The following TENM3 variants were observed in gnomAD, a reference collection of about 807,000 sequenced individuals.
The protein encoded by TENM3 is teneurin-3.
TENM3 carries 63 observed loss-of-function variants against 255.1 expected under a neutral mutation model. The observed-to-expected ratio is 0.25, with a 90% CI of 0.20 to 0.30. The LOEUF (loss-of-function observed/expected upper bound fraction) is 0.30, where lower values mean the gene tolerates loss of function less well. TENM3 is among the 10% of genes least tolerant of loss of function. TENM3 has a pLI of 1.00. For missense variants in TENM3, 2,929 were observed against 3,461.1 expected (o/e 0.85, Z 3.86); for synonymous variants, 1,306 against 1,322.3 (o/e 0.99, Z 0.27).
intron 1 of TENM3, among the ~76,000 whole-genome samples, chr4:182,321,810 T>C (rs1374031348): frequency 6.6e-6 from 1 of 151,796 alleles, no homozygotes; most frequent in African/African-American, 2.4e-5. Flanking sequence ...CCGGATGTGG[T>C]GGTGAGCTCC....
chr4:181,499,159 G>A, the TENM3 span, among the ~76,000 whole-genome samples: 1 of 152,168 alleles, frequency 6.6e-6, no homozygotes, highest in Non-Finnish European at 1.5e-5. Flanking sequence ...CTAACTCCAT[G>A]ATTCTATTGT....
At chr4:181,573,121 G>GT in the TENM3 span, among the ~76,000 whole-genome samples, 4 of 151,804 alleles carry the variant, frequency 2.6e-5, no homozygotes, top group African/African-American at 9.7e-5. Flanking sequence ...TAAGTACCAC[G>GT]TTTTTTTATC....
At chr4:181,680,265 A>G in the TENM3 span, among the ~76,000 whole-genome samples, 6 of 152,256 alleles carry the variant, frequency 3.9e-5, no homozygotes, top group East Asian at 1.2e-3. Flanking sequence ...GGCTGTAAAT[A>G]GTAAATACAT....
chr4:182,049,700 G>A, the TENM3 span, among the ~76,000 whole-genome samples: 1 of 152,316 alleles, frequency 6.6e-6, no homozygotes, highest in South Asian at 2.1e-4. Context: ...CGTTTAAGAG[G>A]AAAAGGAAAA....
the TENM3 span, among the ~76,000 whole-genome samples, chr4:181,470,362 G>A: frequency 3.9e-5 from 6 of 152,040 alleles, no homozygotes; most frequent in Admixed American, 2.0e-4. Flanking sequence ...TACACAAAAC[G>A]TATGTATAAC....
chr4:182,065,862 C>T, the TENM3 span, among the ~76,000 whole-genome samples: 2 of 152,276 alleles, frequency 1.3e-5, no homozygotes, highest in Admixed American at 1.3e-4. Flanking sequence ...TTCTCACCAG[C>T]GAATTCCCTC....
intron 3 of TENM3, among the ~76,000 whole-genome samples, chr4:182,487,635 A>C (rs958277035): frequency 6.6e-6 from 1 of 152,250 alleles, no homozygotes; most frequent in East Asian, 1.9e-4. Context: ...CAGTTTAATA[A>C]GTGCCCTTTT....
intron 3 of TENM3, among the ~76,000 whole-genome samples, chr4:182,398,331 G>GAC (rs144856331): frequency 3.6e-4 from 54 of 152,014 alleles, no homozygotes; most frequent in African/African-American, 9.6e-4. Flanking sequence ...AGGACAAGGG[G>GAC]ACACACACAC....
chr4:182,666,518 C>T (rs1561077513), intron 6 of TENM3, among the ~76,000 whole-genome samples: 1 of 152,146 alleles, frequency 6.6e-6, no homozygotes, highest in Non-Finnish European at 1.5e-5. Context: ...GATCCTCCAC[C>T]AGCAAAAAGA....
At chr4:181,622,256 C>T in the TENM3 span, among the ~76,000 whole-genome samples, 1 of 152,192 alleles carries the variant, frequency 6.6e-6, no homozygotes, top group Non-Finnish European at 1.5e-5. Flanking sequence ...TTTCCTGCCT[C>T]GTTTCCCTTT....
the TENM3 span, among the ~76,000 whole-genome samples, chr4:181,576,771 C>G: frequency 6.7e-6 from 1 of 148,346 alleles, no homozygotes; most frequent in East Asian, 2.0e-4. Flanking sequence ...AGCTACCACT[C>G]TTTTCCTTTC....
the TENM3 span, among the ~76,000 whole-genome samples, chr4:181,630,607 A>G: frequency 1.3e-4 from 20 of 152,290 alleles, no homozygotes; most frequent in South Asian, 4.1e-4. Flanking sequence ...CCCAGTAGTC[A>G]TTCAGGAGCA....
intron 3 of TENM3, among the ~76,000 whole-genome samples, chr4:182,562,300 T>G (rs1229009301): frequency 6.6e-6 from 1 of 152,188 alleles, no homozygotes; most frequent in African/African-American, 2.4e-5. Flanking sequence ...TATCCCATCC[T>G]AGGAATGAGA....
At chr4:181,801,807 A>G in the TENM3 span, among the ~76,000 whole-genome samples, 10 of 151,560 alleles carry the variant, frequency 6.6e-5, no homozygotes, top group Non-Finnish European at 1.2e-4. Flanking sequence ...TGTCATTTTC[A>G]CTTCCTATTA....
chr4:182,001,296 T>G, the TENM3 span, among the ~76,000 whole-genome samples: 2 of 152,072 alleles, frequency 1.3e-5, no homozygotes, highest in African/African-American at 2.4e-5. Flanking sequence ...AATAACATAG[T>G]TAGCAAATGT....
the TENM3 span, among the ~76,000 whole-genome samples, chr4:181,764,021 T>C: frequency 6.6e-6 from 1 of 152,202 alleles, no homozygotes; most frequent in Non-Finnish European, 1.5e-5. Flanking sequence ...ATTTTTACTA[T>C]TCTGTTTCCT....
the TENM3 span, among the ~76,000 whole-genome samples, chr4:182,021,966 C>G: frequency 0.53 from 80,928 of 151,928 alleles, 22,035 homozygotes; most frequent in Middle Eastern, 0.6. Context: ...TTCAGCCCCT[C>G]TGGAAGGCAG....
chr4:181,863,227 G>T, the TENM3 span, among the ~76,000 whole-genome samples: 1 of 152,166 alleles, frequency 6.6e-6, no homozygotes, highest in South Asian at 2.1e-4. Context: ...TTCTAGGACA[G>T]TGTTTGTTCC....
the TENM3 span, among the ~76,000 whole-genome samples, chr4:181,674,147 C>T: frequency 1.3e-5 from 2 of 152,048 alleles, no homozygotes; most frequent in Non-Finnish European, 2.9e-5. Context: ...AGGCACATGG[C>T]ATCACACCCA....
Sources: allele counts gnomAD v4.1 joint callset (sites outside exome capture counted in the v4.1 genomes callset), GRCh38; gene constraint gnomAD v4.1.1; transcripts MANE v1.5; gene names NCBI Gene and HGNC (gene_info 2026-07-23, HGNC 2026-07-21).